The following CACUL1 variants were observed in gnomAD, a reference collection of about 807,000 sequenced individuals.
CACUL1 encodes the protein CDK2-associated and cullin domain-containing protein 1.
In CACUL1, 13 loss-of-function variants were observed where a neutral mutation model predicts 45.2. That is an observed-to-expected ratio of 0.29 (90% CI 0.19 to 0.46). CACUL1 has a LOEUF of 0.46. CACUL1 is among the 20% of genes least tolerant of loss of function. The pLI is 1.00. For missense variants in CACUL1, 421 were observed against 471.4 expected (o/e 0.89, Z 0.99); for synonymous variants, 197 against 174.2 (o/e 1.13, Z -1.03).
intron 1 of CACUL1, among the ~76,000 whole-genome samples, chr10:118,744,667 C>T (rs1187738961): frequency 6.6e-6 from 1 of 151,714 alleles, no homozygotes; most frequent in Non-Finnish European, 1.5e-5. Flanking sequence ...TTTGGGGGGC[C>T]GGGGCAGGAA....
chr10:118,735,345 C>A (rs987819777), intron 1 of CACUL1, among the ~76,000 whole-genome samples: 2 of 152,172 alleles, frequency 1.3e-5, no homozygotes, highest in Non-Finnish European at 2.9e-5. Context: ...CATACTTGGT[C>A]TACTGCAGAG....
Position 118,685,730 on chromosome 10 carries a change from A to G in CACUL1, c.*398T>C, listed in dbSNP as rs1721691906. 1 of 161,020 alleles carries G rather than the reference A, an allele frequency of 6.2e-6. No homozygotes were observed. The highest frequency in any genetic ancestry group is 2.4e-5 in the African/African-American group (1 of 41,626). The allele number at this position is 161,020 out of a possible 1,614,324, so 10.0% of individuals were successfully genotyped here. ...AAAGAGATCCTGACATGTGAAACCAATACACCAAAATGCCAAGTCCACAAA... is the reference window on the plus strand; with the variant it reads ...AAAGAGATCCTGACATGTGAAACCAGTACACCAAAATGCCAAGTCCACAAA... On this transcript the variant is annotated 3_prime_UTR_variant, in exon 9 of 9. Transcript: ENST00000369151.
At chr10:118,751,723 G>C (rs1845899890) in intron 1 of CACUL1, among the ~76,000 whole-genome samples, 2 of 152,136 alleles carry the variant, frequency 1.3e-5, no homozygotes, top group African/African-American at 4.8e-5. Context: ...AGGCTATTGA[G>C]TTTGTCAAAC....
chr10:118,690,137 T>A (rs1273442268), intron 7 of CACUL1, among the ~76,000 whole-genome samples: 1 of 151,834 alleles, frequency 6.6e-6, no homozygotes, highest in Non-Finnish European at 1.5e-5. Context: ...CCGTCTCTAC[T>A]AAAAATACAA....
At position 118,752,439 on chromosome 10, in the gene CACUL1, A is replaced by G. The variant is rs557934799; in HGVS notation, c.367+1957T>C. Among the ~76,000 whole-genome samples the G allele has an allele frequency of 2.0e-5, 3 of 152,180 alleles. No homozygotes were observed. In the South Asian group the frequency reaches 6.2e-4, roughly 31 times the overall value. On this transcript the variant is annotated intron_variant, in intron 1 of 8. Coordinates refer to ENST00000369151, the MANE Select transcript of CACUL1 (RefSeq NM_153810.5). ...ATTTTTTTCCTTTAGTCTATTAAAG[A>G]GCTAAATTAGATAAGTAGATGTTAA...
intron 1 of CACUL1, among the ~76,000 whole-genome samples, chr10:118,746,151 C>CAAAAAA (rs376453440): frequency 1.9e-4 from 17 of 91,274 alleles, no homozygotes; most frequent in African/African-American, 5.9e-4. Flanking sequence ...GACACTGTCT[C>CAAAAAA]AAAAAAAAAA....
chr10:118,750,414 G>C (rs1326003764), intron 1 of CACUL1, among the ~76,000 whole-genome samples: 1 of 152,150 alleles, frequency 6.6e-6, no homozygotes, highest in Non-Finnish European at 1.5e-5. Flanking sequence ...GAGCATGACT[G>C]TGGATTATCA....
Position 118,754,785 on chromosome 10 carries a change from C to A in CACUL1, c.-23G>T. The stretch of plus-strand genomic sequence containing the variant: ...CATCCTGCTGGCCCCCGGCACCCGC[C>A]CGCCTCACAGGCACCTGCCGCCTGT... On this transcript the variant is annotated 5_prime_UTR_variant, in exon 1 of 9. Coordinates refer to ENST00000369151, the MANE Select transcript of CACUL1 (RefSeq NM_153810.5). 6.5e-7 allele frequency: 1 copy of A among 1,534,232 alleles called. No individual in the cohort carries two copies. The highest frequency in any genetic ancestry group is 8.7e-7 in the Non-Finnish European group (1 of 1,145,356).
intron 3 of CACUL1, among the ~76,000 whole-genome samples, chr10:118,725,372 G>A (rs1185808500): frequency 6.6e-6 from 1 of 152,162 alleles, no homozygotes; most frequent in Admixed American, 6.5e-5. Context: ...GGGTGCTGAG[G>A]CCGGAGGATC....
At chr10:118,690,086 G>A (rs937305548) in intron 7 of CACUL1, among the ~76,000 whole-genome samples, 4 of 152,134 alleles carry the variant, frequency 2.6e-5, no homozygotes, top group Non-Finnish European at 4.4e-5. Context: ...TATCACTTGA[G>A]GTCAGGAGAT....
intron 6 of CACUL1, 61 bp downstream of exon 6, chr10:118,695,080 G>T: frequency 9.8e-7 from 1 of 1,018,186 alleles, no homozygotes; most frequent in Non-Finnish European, 1.6e-6. Flanking sequence ...CAGAACCACT[G>T]CCCTCTTGGA....
chr10:118,702,920 T>G (rs541629492), intron 4 of CACUL1, among the ~76,000 whole-genome samples: 2 of 152,122 alleles, frequency 1.3e-5, no homozygotes, highest in East Asian at 3.9e-4. Flanking sequence ...TGCAGAAGAG[T>G]AGAAAATACA....
At chr10:118,719,133 G>A (rs546327383) in intron 3 of CACUL1, among the ~76,000 whole-genome samples, 2 of 152,168 alleles carry the variant, frequency 1.3e-5, no homozygotes, top group Admixed American at 6.5e-5. Flanking sequence ...AAAAAGATGG[G>A]AGAATTTCAG....
At chr10:118,736,791 A>G (rs889898583) in intron 1 of CACUL1, among the ~76,000 whole-genome samples, 4 of 152,182 alleles carry the variant, frequency 2.6e-5, no homozygotes, top group Non-Finnish European at 4.4e-5. Flanking sequence ...TAGGTGCCCT[A>G]TACACGCATA....
intron 1 of CACUL1, among the ~76,000 whole-genome samples, chr10:118,749,101 A>T (rs1348969692): frequency 6.6e-6 from 1 of 152,212 alleles, no homozygotes. Context: ...TCCTTCACCA[A>T]CTGAGAAATA....
intron 4 of CACUL1, among the ~76,000 whole-genome samples, chr10:118,707,043 C>G (rs1845438873): frequency 6.6e-6 from 1 of 152,184 alleles, no homozygotes; most frequent in Non-Finnish European, 1.5e-5. Context: ...AACAAAGTCA[C>G]AGTCTACAGA....
chr10:118,725,486 C>A (rs1174946074), intron 3 of CACUL1, among the ~76,000 whole-genome samples: 2 of 151,826 alleles, frequency 1.3e-5, no homozygotes, highest in East Asian at 3.9e-4. Flanking sequence ...ATAAGAAGAG[C>A]GGAGTTAATA....
At chr10:118,723,318 T>C (rs1845618805) in intron 3 of CACUL1, among the ~76,000 whole-genome samples, 1 of 152,170 alleles carries the variant, frequency 6.6e-6, no homozygotes, top group Non-Finnish European at 1.5e-5. Context: ...GCTTTACCAT[T>C]TCCTGGACAA....
rs1046947321 is a variant in CACUL1, at chr10:118,676,995, T to C, written c.*9133A>G. 6.6e-6 allele frequency: 1 copy of C among 152,164 alleles called. No individual in the cohort carries two copies. Among genetic ancestry groups the C allele is most frequent in the Non-Finnish European group, 1.5e-5 (1 of 68,032 alleles). 9.4% of individuals were successfully genotyped at this position (152,164 alleles called of 1,614,324 possible). A position where few individuals can be genotyped will look rare whatever the true frequency, so the allele number is the denominator to read the frequency against. Reference sequence around the variant, plus strand: ...CAAGAAAAAATACTACTTTCTAGTTTTTACAACATTTTTTTCTTTTTTAGT... The same window carrying C: ...CAAGAAAAAATACTACTTTCTAGTTCTTACAACATTTTTTTCTTTTTTAGT... On this transcript the variant is annotated 3_prime_UTR_variant, in exon 9 of 9. Transcript: ENST00000369151.
Sources: gnomAD v4.1 joint callset for allele counts (sites outside exome capture counted in the v4.1 genomes callset) on GRCh38, gnomAD v4.1.1 for gene constraint, MANE v1.5 for transcripts, NCBI Gene and HGNC (gene_info 2026-07-23, HGNC 2026-07-21) for gene names.